The following LTBP1 variants were observed in gnomAD, a reference collection of about 807,000 sequenced individuals.
LTBP1 encodes latent-transforming growth factor beta-binding protein 1.
Under a neutral mutation model 207.6 loss-of-function variants are expected in LTBP1, and 129 were observed. That is an observed-to-expected ratio of 0.62 (90% CI 0.54 to 0.72). The LOEUF is 0.72. LTBP1 is among the 30% of genes least tolerant of loss of function. The pLI, the probability that LTBP1 is intolerant of heterozygous loss-of-function variation, is 0.00. For synonymous variants in LTBP1, 963 were observed against 833.7 expected (o/e 1.16, Z -2.67); for missense variants, 2,281 against 2,217.2 (o/e 1.03, Z -0.58).
intron 2 of LTBP1, among the ~76,000 whole-genome samples, chr2:32,963,537 A>G (rs182014730): frequency 1.7e-3 from 254 of 152,154 alleles, no homozygotes; most frequent in Non-Finnish European, 2.9e-3. Context: ...CACATTCTAT[A>G]CTGTATGCTC....
intron 3 of LTBP1, among the ~76,000 whole-genome samples, chr2:33,096,186 C>T (rs1297156098): frequency 1.3e-5 from 2 of 152,110 alleles, no homozygotes; most frequent in East Asian, 3.9e-4. Context: ...GATCACTTCT[C>T]ATCAGGTACA....
chr2:32,966,817 G>C (rs1296139229), intron 2 of LTBP1, among the ~76,000 whole-genome samples: 2 of 152,124 alleles, frequency 1.3e-5, no homozygotes, highest in East Asian at 1.9e-4. Flanking sequence ...GTTCATGAGA[G>C]ATACTTGTCT....
At chr2:33,195,846 C>T (rs182678629) in intron 7 of LTBP1, among the ~76,000 whole-genome samples, 1 of 152,252 alleles carries the variant, frequency 6.6e-6, no homozygotes, top group African/African-American at 2.4e-5. Context: ...TCACTGTTGT[C>T]TTATTTTAAG....
At chr2:33,061,548 T>TTTC in intron 3 of LTBP1, 1 of 152,310 alleles carries the variant, frequency 6.6e-6, no homozygotes, top group South Asian at 2.1e-4. Flanking sequence ...AAACTTCATG[T>TTTC]GAGATTATAC....
chr2:32,966,900 G>A lies in LTBP1; in HGVS notation c.565+17955G>A, dbSNP rs1020605467. On this transcript the variant is annotated intron_variant, in intron 2 of 33. Coordinates refer to ENST00000404816, the MANE Select transcript of LTBP1 (RefSeq NM_206943.4). ...TGATGCTGGCCTCAGAATGAGTTAG[G>A]AAGTATATTCTCTTCTTCTATCTTC... is the stretch of plus-strand genomic sequence containing the variant. Among the ~76,000 whole-genome samples, 18 of 152,116 alleles carry A rather than the reference G, an allele frequency of 1.2e-4. 1 individual carries two copies. Among genetic ancestry groups the A allele is most frequent in the Admixed American group, 3.3e-4 (5 of 15,272 alleles).
chr2:33,302,891 C>T (rs1021669961), intron 22 of LTBP1, among the ~76,000 whole-genome samples: 8 of 151,254 alleles, frequency 5.3e-5, no homozygotes, highest in Admixed American at 4.0e-4. Context: ...GCTGAAACCC[C>T]GTCTCTACTA....
intron 3 of LTBP1, among the ~76,000 whole-genome samples, chr2:33,099,163 T>A (rs1292053635): frequency 6.6e-6 from 1 of 152,224 alleles, no homozygotes; most frequent in Admixed American, 6.5e-5. Flanking sequence ...AGATATTTTG[T>A]TTCAGCTGGA....
At chr2:33,126,764 G>T (rs917968068) in intron 4 of LTBP1, among the ~76,000 whole-genome samples, 1 of 152,162 alleles carries the variant, frequency 6.6e-6, no homozygotes, top group Non-Finnish European at 1.5e-5. Flanking sequence ...GTCCCATAGG[G>T]GGAGTAGTTG....
At chr2:33,151,663 C>A (rs2083532276) in intron 5 of LTBP1, among the ~76,000 whole-genome samples, 1 of 152,192 alleles carries the variant, frequency 6.6e-6, no homozygotes, top group Non-Finnish European at 1.5e-5. Flanking sequence ...TATTCTTATG[C>A]CTTTGTGTCC....
chr2:33,117,593 A>G (rs2080824303), intron 4 of LTBP1, among the ~76,000 whole-genome samples: 1 of 152,216 alleles, frequency 6.6e-6, no homozygotes. Flanking sequence ...GAGATAGGCA[A>G]TATTTAACAC....
chr2:33,396,534 G>C (rs1186541004), intron 32 of LTBP1, among the ~76,000 whole-genome samples: 1 of 152,172 alleles, frequency 6.6e-6, no homozygotes, highest in African/African-American at 2.4e-5. Flanking sequence ...CTAAACACAA[G>C]TATGATGTTC....
chr2:32,959,621 A>ATATATATATTTTTT (rs1475834284), intron 2 of LTBP1, among the ~76,000 whole-genome samples: 1 of 36,664 alleles, frequency 2.7e-5, no homozygotes, highest in African/African-American at 9.6e-5. Context: ...ATATATATAT[A>ATATATATATTTTTT]TTTTTTTTTT....
chr2:33,163,453 T>C (rs564413191), intron 5 of LTBP1, among the ~76,000 whole-genome samples: 8 of 152,170 alleles, frequency 5.3e-5, no homozygotes, highest in Non-Finnish European at 1.2e-4. Flanking sequence ...ATAATTGCCA[T>C]GATCTTATGG....
chr2:32,984,101 C>G (rs992322551), intron 2 of LTBP1, among the ~76,000 whole-genome samples: 2 of 152,154 alleles, frequency 1.3e-5, no homozygotes, highest in Non-Finnish European at 2.9e-5. Context: ...CAAGGGAGGT[C>G]CCCCAAGAAC....
chr2:33,198,293 G>C (rs1056422079), intron 7 of LTBP1, among the ~76,000 whole-genome samples: 14 of 152,080 alleles, frequency 9.2e-5, no homozygotes, highest in African/African-American at 3.4e-4. Context: ...TGCTGGATTC[G>C]GTTTGCTAGT....
At chr2:33,302,092 C>A (rs1412603925) in intron 22 of LTBP1, among the ~76,000 whole-genome samples, 15 of 152,174 alleles carry the variant, frequency 9.9e-5, no homozygotes, top group Admixed American at 9.8e-4. Flanking sequence ...TCCCACATGT[C>A]CAGTATCGTG....
At chr2:33,183,131 T>C (rs375361201) in intron 5 of LTBP1, among the ~76,000 whole-genome samples, 4 of 152,242 alleles carry the variant, frequency 2.6e-5, no homozygotes, top group Non-Finnish European at 5.9e-5. Flanking sequence ...TGGAAGCTGA[T>C]CCAAAGTTGT....
chr2:33,332,287 A>G (rs1258950724), intron 24 of LTBP1, among the ~76,000 whole-genome samples: 2 of 147,926 alleles, frequency 1.4e-5, no homozygotes, highest in African/African-American at 2.5e-5. Context: ...AGTTACAGCT[A>G]CTTGGGAGGC....
chr2:33,378,903 T>C (rs1020019407), intron 31 of LTBP1, among the ~76,000 whole-genome samples: 1 of 152,192 alleles, frequency 6.6e-6, no homozygotes, highest in African/African-American at 2.4e-5. Flanking sequence ...GAAAAACATC[T>C]AGAAAGTTCT....
Sources: allele counts gnomAD v4.1 joint callset (sites outside exome capture counted in the v4.1 genomes callset), GRCh38; gene constraint gnomAD v4.1.1; transcripts MANE v1.5; gene names NCBI Gene and HGNC (gene_info 2026-07-23, HGNC 2026-07-21).